Variants in TSHZ2 observed in about 807,000 individuals in gnomAD.
The protein encoded by TSHZ2 is teashirt homolog 2.
A neutral mutation model predicts 74.4 loss-of-function variants in TSHZ2; 21 were observed. The observed-to-expected ratio is 0.28, with a 90% confidence interval of 0.20 to 0.41. The LOEUF is 0.41. Ranked by LOEUF, TSHZ2 falls within the 10% of genes least tolerant of loss-of-function variation. The pLI, the probability that TSHZ2 is intolerant of heterozygous loss-of-function variation, is 1.00. For missense variants in TSHZ2, 1,244 were observed against 1,293.5 expected (o/e 0.96, Z 0.59); for synonymous variants, 540 against 515.3 (o/e 1.05, Z -0.65).
At chr20:53,339,508 G>A (rs900374465) in intron 2 of TSHZ2, among the ~76,000 whole-genome samples, 1 of 152,196 alleles carries the variant, frequency 6.6e-6, no homozygotes, top group Non-Finnish European at 1.5e-5. Flanking sequence ...GGGGCACGTG[G>A]GAGCTCTGTA....
rs949632970 is a variant in TSHZ2 at position 53,480,413 on chromosome 20, A to T, written c.*9-6731A>T. Among the ~76,000 whole-genome samples, 30 of 151,932 alleles carry T rather than the reference A, an allele frequency of 2.0e-4. 1 individual carries two copies. The highest frequency in any genetic ancestry group is 3.2e-4 in the Non-Finnish European group (22 of 67,926). ...AGACTCCATCTCTACAAAAAAATTT[A>T]AAAATTAGCCTACTGTGGTGGCATG... is the stretch of plus-strand genomic sequence containing the variant. On this transcript the variant is annotated intron_variant, in intron 2 of 2. Transcript: ENST00000371497.
Position 53,153,865 on chromosome 20 carries a change from G to A in TSHZ2, c.41-99634G>A, listed in dbSNP as rs528730801. On this transcript the variant is annotated intron_variant, in intron 1 of 2. Transcript: ENST00000371497. ...GCTGATGACTGGCTGGTCTTGCGTG[G>A]CCTTAGATAAGATGGTTCAGCTCCT... is the stretch of plus-strand genomic sequence containing the variant. Among the ~76,000 whole-genome samples, 10 of 152,244 alleles carry A rather than the reference G, an allele frequency of 6.6e-5. No homozygotes were observed. In the South Asian group the frequency reaches 2.1e-3, roughly 32 times the overall value.
At chr20:53,035,872 G>A (rs1983800325) in intron 1 of TSHZ2, among the ~76,000 whole-genome samples, 1 of 152,098 alleles carries the variant, frequency 6.6e-6, no homozygotes, top group African/African-American at 2.4e-5. Context: ...CAAACCATTA[G>A]CATCAGATAG....
chr20:53,446,291 C>T (rs1005662169), intron 2 of TSHZ2, among the ~76,000 whole-genome samples: 6 of 151,562 alleles, frequency 4.0e-5, no homozygotes, highest in East Asian at 1.9e-4. Flanking sequence ...TGGCCAGGCG[C>T]GGTGACTTAC....
At chr20:53,293,308 C>CAA (rs1181729078) in intron 2 of TSHZ2, among the ~76,000 whole-genome samples, 2 of 152,172 alleles carry the variant, frequency 1.3e-5, no homozygotes, top group East Asian at 3.9e-4. Flanking sequence ...ACTAAAAATA[C>CAA]AAAAATTAGC....
chr20:53,377,480 A>G (rs1252121188), intron 2 of TSHZ2, among the ~76,000 whole-genome samples: 1 of 152,192 alleles, frequency 6.6e-6, no homozygotes, highest in Admixed American at 6.5e-5. Flanking sequence ...CATTCTTTAA[A>G]GGACTTGATG....
intron 2 of TSHZ2, among the ~76,000 whole-genome samples, chr20:53,390,029 T>G (rs1239237623): frequency 1.3e-5 from 2 of 152,214 alleles, no homozygotes; most frequent in Non-Finnish European, 2.9e-5. Context: ...TTATTTGGAA[T>G]CCCTGTTCCT....
intron 1 of TSHZ2, among the ~76,000 whole-genome samples, chr20:53,182,519 G>A (rs1455761685): frequency 1.3e-5 from 2 of 152,258 alleles, no homozygotes; most frequent in East Asian, 3.8e-4. Flanking sequence ...ACATTAAACA[G>A]TTACAAATGA....
intron 2 of TSHZ2, among the ~76,000 whole-genome samples, chr20:53,463,404 AAG>A (rs1985448097): frequency 2.6e-5 from 3 of 113,740 alleles, no homozygotes; most frequent in Admixed American, 8.9e-5. Context: ...GGAAGGAAGG[AAG>A]GAAGGAAGGA....
chr20:53,132,328 T>C (rs925711252), intron 1 of TSHZ2, among the ~76,000 whole-genome samples: 22 of 151,808 alleles, frequency 1.4e-4, no homozygotes, highest in Non-Finnish European at 2.8e-4. Context: ...TTTTTTTTTT[T>C]TGAGATAGAG....
intron 1 of TSHZ2, among the ~76,000 whole-genome samples, chr20:53,018,306 T>C (rs1200154041): frequency 2.0e-5 from 3 of 152,210 alleles, no homozygotes; most frequent in Non-Finnish European, 4.4e-5. Flanking sequence ...AGACAATCAC[T>C]GGGAATAGAC....
At chr20:53,458,672 T>A (rs1376912436) in intron 2 of TSHZ2, among the ~76,000 whole-genome samples, 1 of 152,094 alleles carries the variant, frequency 6.6e-6, no homozygotes, top group Non-Finnish European at 1.5e-5. Flanking sequence ...CAATTTTGGA[T>A]CTTTCCTGCT....
intron 2 of TSHZ2, among the ~76,000 whole-genome samples, chr20:53,420,171 A>G (rs1983418167): frequency 6.6e-6 from 1 of 152,252 alleles, no homozygotes; most frequent in South Asian, 2.1e-4. Context: ...GAACACAGAA[A>G]GAATCAAATG....
At chr20:53,146,929 C>G (rs1376668079) in intron 1 of TSHZ2, among the ~76,000 whole-genome samples, 1 of 152,120 alleles carries the variant, frequency 6.6e-6, no homozygotes, top group Non-Finnish European at 1.5e-5. Context: ...CCACCTGAAC[C>G]ATTGACCTTA....
rs118075243 is a variant in TSHZ2 at position 53,202,784 on chromosome 20, C to T, written c.41-50715C>T. Among the ~76,000 whole-genome samples the T allele has an allele frequency of 7.1e-3, 1,076 of 152,272 alleles. 3 individuals are homozygous for T. The highest frequency in any genetic ancestry group is 0.011 in the Non-Finnish European group (755 of 68,020). On this transcript the variant is annotated intron_variant, in intron 1 of 2. Coordinates refer to ENST00000371497, the MANE Select transcript of TSHZ2 (RefSeq NM_173485.6). ...AGTCAGGTTTAGCATTGGAAGCTAG[C>T]AAGACTTAACTGTTTTGTTGATGGC... is the stretch of plus-strand genomic sequence containing the variant.
At chr20:53,002,786 A>G (rs971573146) in intron 1 of TSHZ2, among the ~76,000 whole-genome samples, 6 of 152,186 alleles carry the variant, frequency 3.9e-5, no homozygotes, top group Middle Eastern at 3.2e-3. Context: ...GTTTTATCAC[A>G]TTCTCCAGGT....
chr20:53,372,347 C>T (rs1024858933), intron 2 of TSHZ2, among the ~76,000 whole-genome samples: 3 of 152,060 alleles, frequency 2.0e-5, no homozygotes, highest in African/African-American at 7.3e-5. Flanking sequence ...CGTAGTGTCA[C>T]GCACCTGTAG....
In TSHZ2 at chr20:53,105,348, T is replaced by C. The variant is rs138805118; in HGVS notation, c.40+132015T>C. On this transcript the variant is annotated intron_variant, in intron 1 of 2. Coordinates refer to ENST00000371497, the MANE Select transcript of TSHZ2 (RefSeq NM_173485.6). ...CTTCTGAGAGGGGCTGTCCTGTGATTGTAGAATGTTTAGCGGCATCCCAGG... is the reference window on the plus strand; with the variant it reads ...CTTCTGAGAGGGGCTGTCCTGTGATCGTAGAATGTTTAGCGGCATCCCAGG... Among the ~76,000 whole-genome samples the C allele has an allele frequency of 2.6e-3, 397 of 152,346 alleles. 1 individual carries two copies. Among genetic ancestry groups the C allele is most frequent in the African/African-American group, 8.7e-3 (360 of 41,580 alleles).
chr20:53,084,670 T>TCTCC (rs879367471), intron 1 of TSHZ2, among the ~76,000 whole-genome samples: 12 of 57,222 alleles, frequency 2.1e-4, no homozygotes, highest in African/African-American at 2.9e-4. Context: ...TCTCTCCTTC[T>TCTCC]CTCCCTCCCT....
Sources: gnomAD v4.1 joint callset for allele counts (sites outside exome capture counted in the v4.1 genomes callset) on GRCh38, gnomAD v4.1.1 for gene constraint, MANE v1.5 for transcripts, NCBI Gene and HGNC (gene_info 2026-07-23, HGNC 2026-07-21) for gene names.